The following UEVLD variants were observed in gnomAD, a reference collection of about 807,000 sequenced individuals.
UEVLD encodes the protein UEV and lactate/malate dehyrogenase domains.
Under a neutral mutation model 58.6 loss-of-function variants are expected in UEVLD, and 47 were observed. The ratio of observed to expected loss-of-function variants is 0.80; its 90% CI spans 0.63 to 1.02. The LOEUF (loss-of-function observed/expected upper bound fraction) is 1.02. Ranked by LOEUF, UEVLD falls within the 50% of genes least tolerant of loss-of-function variation. The probability of loss-of-function intolerance (pLI) is 0.00; values close to 1 mark genes in which losing one functional copy is unlikely to be tolerated. For missense variants in UEVLD, 510 were observed against 550.6 expected, an observed-to-expected ratio of 0.93 and a Z score of 0.74; for synonymous variants, 197 against 195.3, an observed-to-expected ratio of 1.01 and a Z score of -0.07.
At chr11:18,564,279 G>C (rs762675469) in intron 6 of UEVLD, among the ~76,000 whole-genome samples, 1 of 151,944 alleles carries the variant, frequency 6.6e-6, no homozygotes, top group Admixed American at 6.6e-5. Context: ...AATATATAGA[G>C]GTACAGCTAT....
chr11:18,574,712 T>A (rs144344766), intron 3 of UEVLD, among the ~76,000 whole-genome samples: 1 of 152,326 alleles, frequency 6.6e-6, no homozygotes, highest in African/African-American at 2.4e-5. Context: ...TGTTCCTTTC[T>A]TTGAGCTTTA....
At chr11:18,553,534 C>A (rs1364201384) in intron 7 of UEVLD, among the ~76,000 whole-genome samples, 2 of 151,420 alleles carry the variant, frequency 1.3e-5, no homozygotes, top group Non-Finnish European at 2.9e-5. Flanking sequence ...TCCAAAAGAA[C>A]CAAAAAGAGG....
chr11:18,553,917 GAT>G (rs1350212603), intron 7 of UEVLD, among the ~76,000 whole-genome samples: 2 of 152,238 alleles, frequency 1.3e-5, no homozygotes, highest in East Asian at 3.9e-4. Flanking sequence ...AATTAGTGGT[GAT>G]AGTTGCACAA....
intron 7 of UEVLD, among the ~76,000 whole-genome samples, chr11:18,554,827 T>C (rs1238793037): frequency 1.3e-5 from 2 of 152,194 alleles, no homozygotes; most frequent in Admixed American, 6.5e-5. Context: ...AATGTTATAG[T>C]AGCTATTAAA....
intron 9 of UEVLD, 96 bp from the exon 10 acceptor site, chr11:18,536,565 T>A (rs1850804707): frequency 1.9e-6 from 2 of 1,026,086 alleles, no homozygotes; most frequent in Non-Finnish European, 3.0e-6. Context: ...CCTGTGCTAA[T>A]ATTTATATAG....
chr11:18,530,090 T>C lies in UEVLD; in HGVS notation c.*2230A>G, dbSNP rs1208419898. 6.6e-6 allele frequency: 1 copy of C among 152,224 alleles called. No individual in the cohort carries two copies. Among genetic ancestry groups the C allele is most frequent in the Non-Finnish European group, 1.5e-5 (1 of 68,040 alleles). The allele number at this position is 152,224 out of a possible 1,614,324, so 9.4% of individuals were successfully genotyped here. The stretch of plus-strand genomic sequence containing the variant: ...TGGTAATTTATTATACAATATTTTC[T>C]GGTTAGATTATTGTTCAAAAGCATA... On this transcript the variant is annotated 3_prime_UTR_variant, in exon 12 of 12. Coordinates refer to ENST00000396197, the MANE Select transcript of UEVLD (RefSeq NM_001040697.4).
chr11:18,568,255 T>C (rs1852397407), intron 4 of UEVLD, among the ~76,000 whole-genome samples: 1 of 152,142 alleles, frequency 6.6e-6, no homozygotes, highest in African/African-American at 2.4e-5. Flanking sequence ...TATAAGACTA[T>C]CCCCGAGGAT....
At chr11:18,548,412 G>A (rs1031745857) in intron 7 of UEVLD, among the ~76,000 whole-genome samples, 1 of 152,094 alleles carries the variant, frequency 6.6e-6, no homozygotes, top group Non-Finnish European at 1.5e-5. Flanking sequence ...TCCTAATTAA[G>A]CCTCTAAGGC....
chr11:18,558,057 C>G (rs943678961), intron 7 of UEVLD, among the ~76,000 whole-genome samples, 171 bp downstream of exon 7: 1 of 152,042 alleles, frequency 6.6e-6, no homozygotes, highest in African/African-American at 2.4e-5. Flanking sequence ...AGTTAAAATC[C>G]CTGAATGACT....
intron 3 of UEVLD, among the ~76,000 whole-genome samples, chr11:18,571,119 G>T (rs1358049527): frequency 6.6e-6 from 1 of 152,106 alleles, no homozygotes; most frequent in Non-Finnish European, 1.5e-5. Flanking sequence ...TTCAAGGTGG[G>T]TTGACCACTT....
intron 5 of UEVLD, 63 bp downstream of exon 5, chr11:18,566,284 G>T: frequency 1.3e-6 from 2 of 1,589,892 alleles, no homozygotes; most frequent in Non-Finnish European, 1.7e-6. Flanking sequence ...GAAAGTAAAG[G>T]AGTTTAGTGA....
chr11:18,560,728 T>G (rs1214504833), intron 6 of UEVLD, among the ~76,000 whole-genome samples: 1 of 152,170 alleles, frequency 6.6e-6, no homozygotes, highest in East Asian at 1.9e-4. Flanking sequence ...ATGCAGATTT[T>G]GGCCGGGCAT....
rs1850606468 is a variant in UEVLD at position 18,532,474 on chromosome 11, A to G, written c.1262T>C (p.Ile421Thr). 1 of 1,605,188 alleles carries G rather than the reference A, an allele frequency of 6.2e-7. No homozygotes were observed. The highest frequency in any genetic ancestry group is 2.2e-5 in the East Asian group (1 of 44,648). Residue 421 changes from isoleucine to threonine, a missense_variant, in exon 12 of 12, where the codon ATA (isoleucine) becomes ACA (threonine). Physicochemically the swap from Ile to Thr is moderately conservative, Grantham distance 89. Transcript: ENST00000396197. ...VSALAKGYYD[I>T]NSEVFLSLPC... ...CAAACTTAAAAACACTTCACTATTT[A>G]TATCATAATATCCCTGAAATGAGAA...
In UEVLD at chr11:18,550,023, T is replaced by C. The variant is rs572467687; in HGVS notation, c.716-2973A>G. On this transcript the variant is annotated intron_variant, in intron 7 of 11. Transcript: ENST00000396197. The stretch of plus-strand genomic sequence containing the variant: ...TTTTAGTAGAGATGGGGTTTCACAA[T>C]GTTGGCCAGGCTGGTCTTGAACTCC... Among the ~76,000 whole-genome samples the C allele has an allele frequency of 6.5e-4, 98 of 151,802 alleles. No individual in the cohort carries two copies. The South Asian group carries it at 0.011, about 16-fold the overall frequency.
intron 4 of UEVLD, among the ~76,000 whole-genome samples, chr11:18,569,183 T>C (rs1852462024): frequency 6.6e-6 from 1 of 152,176 alleles, no homozygotes; most frequent in Non-Finnish European, 1.5e-5. Context: ...TGTGAGCCAC[T>C]GCACCTGGCC....
Position 18,558,258 on chromosome 11 carries a change from A to C in UEVLD, c.685T>G (p.Phe229Val). The C allele has an allele frequency of 6.2e-7, 1 of 1,613,078 alleles. No individual in the cohort carries two copies. Among genetic ancestry groups the C allele is most frequent in the East Asian group, 2.2e-5 (1 of 44,870 alleles). ...CTGATCTCCACATTAGGAAGGTTGA[A>C]GATTTCAAGGTCCATCGTGGCTCCT... is the stretch of plus-strand genomic sequence containing the variant. ...TKGATMDLEI[F>V]NLPNVEISKD... The change falls in exon 7 of 12, where the codon TTC becomes GTC. Residue 229 changes from phenylalanine (F) to valine (V), a missense_variant. By Grantham distance (50) the Phe-to-Val change is conservative. Coordinates refer to ENST00000396197, the MANE Select transcript of UEVLD (RefSeq NM_001040697.4).
At chr11:18,566,752 A>G (rs1852321796) in intron 4 of UEVLD, among the ~76,000 whole-genome samples, 1 of 152,242 alleles carries the variant, frequency 6.6e-6, no homozygotes, top group Non-Finnish European at 1.5e-5. Context: ...CATACACATT[A>G]TATGATACTT....
chr11:18,570,128 A>G, intron 4 of UEVLD, 86 bp downstream of exon 4: 2 of 1,327,850 alleles, frequency 1.5e-6, no homozygotes, highest in Non-Finnish European at 2.0e-6. Flanking sequence ...AAAATGCAGT[A>G]TCATACTTAT....
At chr11:18,580,609 A>G (rs533837940) in intron 1 of UEVLD, among the ~76,000 whole-genome samples, 15 of 146,724 alleles carry the variant, frequency 1.0e-4, no homozygotes, top group Non-Finnish European at 2.1e-4. Context: ...AGACACAGGA[A>G]GTGCCTGCCT....
Sources: allele counts gnomAD v4.1 joint callset (sites outside exome capture counted in the v4.1 genomes callset), GRCh38; gene constraint gnomAD v4.1.1; transcripts MANE v1.5; gene names NCBI Gene and HGNC (gene_info 2026-07-23, HGNC 2026-07-21).